The following KCNAB1 variants were observed in gnomAD, a reference collection of about 807,000 sequenced individuals.
KCNAB1 encodes voltage-gated potassium channel subunit beta-1.
A neutral mutation model predicts 64.6 loss-of-function variants in KCNAB1; 35 were observed. That is an observed-to-expected ratio of 0.54 (90% CI 0.41 to 0.72). The LOEUF (loss-of-function observed/expected upper bound fraction) is 0.72, where lower values mean the gene tolerates loss of function less well. Among genes scored for constraint, KCNAB1 ranks in the 30% least tolerant of loss-of-function variants. The pLI is 0.00. For missense variants in KCNAB1, 401 were observed against 512.9 expected (o/e 0.78, Z 2.11); for synonymous variants, 177 against 183.8 (o/e 0.96, Z 0.30).
intron 1 of KCNAB1, among the ~76,000 whole-genome samples, chr3:156,327,987 C>T (rs1402919443): frequency 6.6e-6 from 1 of 152,024 alleles, no homozygotes; most frequent in East Asian, 1.9e-4. Context: ...TTGTCTAACT[C>T]CTGACTCCAT....
chr3:156,166,215 A>G (rs1711554252), intron 1 of KCNAB1, among the ~76,000 whole-genome samples: 1 of 152,208 alleles, frequency 6.6e-6, no homozygotes, highest in African/African-American at 2.4e-5. Context: ...AGTGTTGAAA[A>G]CAATTATCAG....
intron 1 of KCNAB1, among the ~76,000 whole-genome samples, chr3:156,151,646 T>G (rs1577644175): frequency 6.6e-6 from 1 of 152,350 alleles, no homozygotes; most frequent in East Asian, 1.9e-4. Flanking sequence ...TCTCCATTTA[T>G]TTTTCCAAGC....
At chr3:156,422,737 G>A (rs993113855) in intron 2 of KCNAB1, among the ~76,000 whole-genome samples, 11 of 152,278 alleles carry the variant, frequency 7.2e-5, no homozygotes, top group Admixed American at 3.3e-4. Flanking sequence ...GTTTAAGCCC[G>A]GATCCTGGAT....
chr3:156,405,803 C>T (rs1714208168), intron 1 of KCNAB1, among the ~76,000 whole-genome samples: 1 of 152,134 alleles, frequency 6.6e-6, no homozygotes, highest in African/African-American at 2.4e-5. Flanking sequence ...CAATTTGAGT[C>T]TCCTATTACT....
intron 1 of KCNAB1, among the ~76,000 whole-genome samples, chr3:156,301,666 C>G (rs902313353): frequency 6.6e-6 from 1 of 152,206 alleles, no homozygotes; most frequent in Non-Finnish European, 1.5e-5. Flanking sequence ...GTTTCACTTT[C>G]ACTCAAATAC....
intron 1 of KCNAB1, among the ~76,000 whole-genome samples, chr3:156,127,254 T>A (rs999340424): frequency 2.0e-5 from 3 of 152,162 alleles, no homozygotes; most frequent in Non-Finnish European, 4.4e-5. Context: ...CAACCAATAT[T>A]TTTTTTCCTA....
chr3:156,220,514 T>G (rs1715646944), intron 1 of KCNAB1, among the ~76,000 whole-genome samples: 1 of 152,262 alleles, frequency 6.6e-6, no homozygotes, highest in African/African-American at 2.4e-5. Context: ...CATAAATGTC[T>G]TCTTTTGAGA....
chr3:156,205,652 C>T (rs1212712544), intron 1 of KCNAB1, among the ~76,000 whole-genome samples: 2 of 152,184 alleles, frequency 1.3e-5, no homozygotes, highest in African/African-American at 2.4e-5. Context: ...ACTACCCGCT[C>T]CTTCCTCTGC....
intron 1 of KCNAB1, among the ~76,000 whole-genome samples, chr3:156,408,814 G>A (rs1714439182): frequency 1.3e-5 from 2 of 151,920 alleles, no homozygotes; most frequent in South Asian, 2.1e-4. Context: ...TAAATAACCT[G>A]AGTTCAGGTA....
At chr3:156,463,677 CTG>C (rs1173981888) in intron 5 of KCNAB1, 23 bp from the exon 6 acceptor site, 10 of 1,572,372 alleles carry the variant, frequency 6.4e-6, no homozygotes, top group Non-Finnish European at 8.7e-6. Context: ...TACTACTTCT[CTG>C]TGTTTGTCTT....
intron 1 of KCNAB1, among the ~76,000 whole-genome samples, chr3:156,206,464 A>G (rs1035364689): frequency 1.3e-5 from 2 of 152,190 alleles, no homozygotes; most frequent in Non-Finnish European, 2.9e-5. Flanking sequence ...CTGAGGCTAT[A>G]AACAAGCACT....
At chr3:156,433,671 G>A (rs1716386446) in intron 2 of KCNAB1, among the ~76,000 whole-genome samples, 1 of 152,190 alleles carries the variant, frequency 6.6e-6, no homozygotes, top group East Asian at 1.9e-4. Context: ...AAGTGCTGCT[G>A]GAAGCCACCT....
At chr3:156,319,680 T>A (rs544225011) in intron 1 of KCNAB1, among the ~76,000 whole-genome samples, 1 of 152,296 alleles carries the variant, frequency 6.6e-6, no homozygotes, top group South Asian at 2.1e-4. Context: ...TAGTTTTAGA[T>A]GATGTCATGA....
At chr3:156,395,457 A>G (rs1170289387) in intron 1 of KCNAB1, among the ~76,000 whole-genome samples, 1 of 141,588 alleles carries the variant, frequency 7.1e-6, no homozygotes, top group East Asian at 2.3e-4. Context: ...AGGCAGGAGA[A>G]TGGCGTGAAC....
chr3:156,213,902 G>A (rs1715160724), intron 1 of KCNAB1, among the ~76,000 whole-genome samples: 1 of 152,168 alleles, frequency 6.6e-6, no homozygotes, highest in African/African-American at 2.4e-5. Context: ...ATGATTAGAA[G>A]CTTGGGACTT....
chr3:156,296,859 G>A, intron 1 of KCNAB1, among the ~76,000 whole-genome samples: 1 of 152,160 alleles, frequency 6.6e-6, no homozygotes, highest in East Asian at 1.9e-4. Flanking sequence ...AAGAAAAGAA[G>A]TACAGGGAAT....
At chr3:156,136,121 C>T (rs760143005) in intron 1 of KCNAB1, among the ~76,000 whole-genome samples, 3 of 152,192 alleles carry the variant, frequency 2.0e-5, no homozygotes, top group Non-Finnish European at 4.4e-5. Context: ...CTAGGGGGCA[C>T]AATCCACATG....
At chr3:156,203,495 C>T (rs1054997698) in intron 1 of KCNAB1, among the ~76,000 whole-genome samples, 5 of 152,028 alleles carry the variant, frequency 3.3e-5, no homozygotes, top group African/African-American at 1.2e-4. Flanking sequence ...ACCGTTTTCC[C>T]CAACTATAAA....
chr3:156,392,031 T>C (rs1212767768), intron 1 of KCNAB1, among the ~76,000 whole-genome samples: 1 of 152,144 alleles, frequency 6.6e-6, no homozygotes, highest in Non-Finnish European at 1.5e-5. Flanking sequence ...AAGCATGATT[T>C]CTCATTCGGG....
Sources: allele counts gnomAD v4.1 joint callset (sites outside exome capture counted in the v4.1 genomes callset), GRCh38; gene constraint gnomAD v4.1.1; transcripts MANE v1.5; gene names NCBI Gene and HGNC (gene_info 2026-07-23, HGNC 2026-07-21).